Variants in MEA1 observed in about 807,000 individuals in gnomAD.
The protein encoded by MEA1 is male-enhanced antigen 1.
Under a neutral mutation model 21.4 loss-of-function variants are expected in MEA1, and 22 were observed. The ratio of observed to expected loss-of-function variants is 1.03; its 90% confidence interval spans 0.73 to 1.47. MEA1 has a LOEUF of 1.47. Ranked by LOEUF, MEA1 falls within the 40% of genes most tolerant of loss-of-function variation. MEA1 has a pLI of 0.00. For synonymous variants in MEA1, 91 were observed against 85.5 expected (o/e 1.06, Z -0.35); for missense variants, 233 against 230.5 (o/e 1.01, Z -0.07).
rs903213205 is a variant in MEA1 at position 43,011,527 on chromosome 6, G to A, written c.*943C>T. Reference sequence around the variant, plus strand: ...TGAGCACTAAGATGCTTAGTGCTCAGACAACCTGGGGATGCCTGTCCCCTA... The same window carrying A: ...TGAGCACTAAGATGCTTAGTGCTCAAACAACCTGGGGATGCCTGTCCCCTA... On this transcript the variant is annotated 3_prime_UTR_variant, in exon 4 of 4. Transcript: ENST00000244711. 1.6e-5 allele frequency: 9 copies of A among 560,792 alleles called. No individual in the cohort carries two copies. Among genetic ancestry groups the A allele is most frequent in the Non-Finnish European group, 2.5e-5 (8 of 317,544 alleles). 34.7% of individuals were successfully genotyped at this position (560,792 alleles called of 1,614,324 possible).
At position 43,012,105 on chromosome 6, in the gene MEA1, C is replaced by T. The variant is rs539686056; in HGVS notation, c.*365G>A. The T allele has an allele frequency of 1.0e-5, 7 of 691,186 alleles. No individual in the cohort carries two copies. The East Asian group carries it at 3.6e-4, about 35-fold the overall frequency. 42.8% of individuals were successfully genotyped at this position (691,186 alleles called of 1,614,324 possible). A position where few individuals can be genotyped will look rare whatever the true frequency, so the allele number is the denominator to read the frequency against. On this transcript the variant is annotated 3_prime_UTR_variant, in exon 4 of 4. Coordinates refer to ENST00000244711, the MANE Select transcript of MEA1 (RefSeq NM_014623.4). ...GCCCCAAGCATGGCTCCTGCCAACA[C>T]CTATTTATTTCCTTGTTTGTGCTAT...
upstream of MEA1, among the ~76,000 whole-genome samples, chr6:43,014,891 G>A (rs1460572196): frequency 8.5e-5 from 13 of 152,278 alleles, no homozygotes; most frequent in Middle Eastern, 0.01. Context: ...ATACATTAAG[G>A]GAATAGAAGA....
chr6:43,013,960 C>T, upstream of MEA1: 3 of 1,437,584 alleles, frequency 2.1e-6, no homozygotes, highest in South Asian at 1.5e-5. Context: ...CCTAGTCCTC[C>T]AGCCCCGCCC....
At chr6:43,012,651 A>G (rs749592547) in intron 3 of MEA1, 30 bp from the exon 4 acceptor site, 1 of 1,577,622 alleles carries the variant, frequency 6.3e-7, no homozygotes, top group South Asian at 1.2e-5. Context: ...CCATTCAGGC[A>G]TAGAAATAAT....
chr6:43,014,919 T>C (rs771375095), upstream of MEA1, among the ~76,000 whole-genome samples: 3 of 151,986 alleles, frequency 2.0e-5, no homozygotes, highest in Non-Finnish European at 4.4e-5. Flanking sequence ...AAATGCTTGG[T>C]GGTGATGGAG....
At position 43,012,575 on chromosome 6, in the gene MEA1, A is replaced by T; in HGVS notation, c.453T>A (p.Pro151=). The T allele has an allele frequency of 6.2e-7, 1 of 1,612,358 alleles. No individual in the cohort carries two copies. The highest frequency in any genetic ancestry group is 2.2e-5 in the East Asian group (1 of 44,866). ...VKRTMAGVSL[P]APGVPAWARE... is the part of the protein sequence containing the mutation. ...GAGCCCAGGCAGGAACCCCTGGCGCAGGCAGGCTTACTCCAGCCATTGTCC... is the reference window on the plus strand; with the variant it reads ...GAGCCCAGGCAGGAACCCCTGGCGCTGGCAGGCTTACTCCAGCCATTGTCC... Residue 151 remains proline, a synonymous_variant, in exon 4 of 4, where the codon CCT becomes CCA. Coordinates refer to ENST00000244711, the MANE Select transcript of MEA1 (RefSeq NM_014623.4).
At chr6:43,014,543 A>G (rs1199431120), upstream of MEA1, 4 of 464,570 alleles carry the variant, frequency 8.6e-6, no homozygotes, top group African/African-American at 6.0e-5. Flanking sequence ...GGTAGGAGAG[A>G]CCTGGTGTCT....
chr6:43,013,387 G>A lies in MEA1; in HGVS notation c.31C>T (p.Pro11Ser), dbSNP rs745407471. 6.2e-7 allele frequency: 1 copy of A among 1,612,220 alleles called. No homozygotes were observed. The highest frequency in any genetic ancestry group is 8.5e-7 in the Non-Finnish European group (1 of 1,179,316). Residue 11 changes from proline to serine, a missense_variant and splice_region_variant, in exon 2 of 4, where the codon CCT becomes TCT. Coordinates refer to ENST00000244711, the MANE Select transcript of MEA1 (RefSeq NM_014623.4). MGPERHLSGA[P>S]ARMATVVLGG... ...AGAACTACTGTTGCCATCCGGGCAG[G>A]GGCTGCAAGAACAGGGAGGCGGTAG... is the stretch of plus-strand genomic sequence containing the variant.
chr6:43,014,515 G>C (rs1345263024), upstream of MEA1: 1 of 473,914 alleles, frequency 2.1e-6, no homozygotes, highest in African/African-American at 2.0e-5. Flanking sequence ...AGGGCTAGGG[G>C]AGGATGGCGA....
chr6:43,015,748 G>C (rs2150290120), upstream of MEA1, among the ~76,000 whole-genome samples: 1 of 151,600 alleles, frequency 6.6e-6, no homozygotes, highest in South Asian at 2.1e-4. Flanking sequence ...TACTTGGGAG[G>C]CTGAGGCAGG....
chr6:43,013,890 C>T lies in MEA1; in HGVS notation c.-77G>A, dbSNP rs1581871788. ...GAATCCCGGCGCCGGTGTTCCCGCG[C>T]GCCTCACCCGCTCAGAGCCCGCGGC... On this transcript the variant is annotated 5_prime_UTR_variant, in exon 1 of 4. Transcript: ENST00000244711. The T allele has an allele frequency of 1.3e-6, 2 of 1,507,258 alleles. No homozygotes were observed. Among genetic ancestry groups the T allele is most frequent in the Admixed American group, 2.3e-5 (1 of 43,516 alleles). The allele number at this position is 1,507,258 out of a possible 1,614,324, so 93.4% of individuals were successfully genotyped here.
chr6:43,012,704 C>G, intron 3 of MEA1, 83 bp from the exon 4 acceptor site: 1 of 1,474,988 alleles, frequency 6.8e-7, no homozygotes, highest in African/African-American at 1.4e-5. Flanking sequence ...ACCCAGAGCC[C>G]TTGGGCTGCT....
At chr6:43,016,267 C>T (rs1297688226), upstream of MEA1, among the ~76,000 whole-genome samples, 1 of 152,152 alleles carries the variant, frequency 6.6e-6, no homozygotes, top group Non-Finnish European at 1.5e-5. Context: ...CCACCTCTAT[C>T]CGCCTTTCAG....
In MEA1 at chr6:43,012,302, T is replaced by C; in HGVS notation, c.*168A>G. On this transcript the variant is annotated 3_prime_UTR_variant, in exon 4 of 4. Coordinates refer to ENST00000244711, the MANE Select transcript of MEA1 (RefSeq NM_014623.4). Reference sequence around the variant, plus strand: ...AAGGTGGGTTGGGCTTGGACCGATGTCCCCATATGTACAGAACTGAATAAA... The same window carrying C: ...AAGGTGGGTTGGGCTTGGACCGATGCCCCCATATGTACAGAACTGAATAAA... 6 of 1,387,454 alleles carry C rather than the reference T, an allele frequency of 4.3e-6. No homozygotes were observed. Among genetic ancestry groups the C allele is most frequent in the Non-Finnish European group, 5.6e-6 (6 of 1,069,408 alleles). The allele number at this position is 1,387,454 out of a possible 1,614,324, so 85.9% of individuals were successfully genotyped here. A position where few individuals can be genotyped will look rare whatever the true frequency, so the allele number is the denominator to read the frequency against.
rs1315142387 is a variant in MEA1, at chr6:43,013,393, CAAG to C, written c.29-7_29-5del. On this transcript the variant is annotated splice_polypyrimidine_tract_variant and splice_region_variant and intron_variant, in intron 1 of 3. Transcript: ENST00000244711. ...ACTGTTGCCATCCGGGCAGGGGCTG[CAAG>C]AACAGGGAGGCGGTAGGACAGGGAT... 15 of 1,611,442 alleles carry C rather than the reference CAAG, an allele frequency of 9.3e-6. No individual in the cohort carries two copies. Among genetic ancestry groups the C allele is most frequent in the Non-Finnish European group, 1.2e-5 (14 of 1,179,122 alleles).
Position 43,012,328 on chromosome 6 carries a change from G to A in MEA1, c.*142C>T. 1.4e-6 allele frequency: 2 copies of A among 1,470,612 alleles called. No individual in the cohort carries two copies. Among genetic ancestry groups the A allele is most frequent in the Non-Finnish European group, 1.8e-6 (2 of 1,111,992 alleles). The allele number at this position is 1,470,612 out of a possible 1,614,324, so 91.1% of individuals were successfully genotyped here. ...CCCCATATGTACAGAACTGAATAAA[G>A]TGGGTCTCTGAGAAGTCTGATGTGC... On this transcript the variant is annotated 3_prime_UTR_variant, in exon 4 of 4. Transcript: ENST00000244711.
chr6:43,011,559 C>T lies in MEA1; in HGVS notation c.*911G>A, dbSNP rs142458919. On this transcript the variant is annotated 3_prime_UTR_variant, in exon 4 of 4. Coordinates refer to ENST00000244711, the MANE Select transcript of MEA1 (RefSeq NM_014623.4). ...TGGGGATGCCTGTCCCCTACCTGCT[C>T]CTCACCCACAGCTACCTGAGGCTGC... The T allele has an allele frequency of 1.7e-3, 898 of 513,840 alleles. 5 individuals are homozygous for T. The East Asian group carries it at 0.021, about 12-fold the overall frequency. 31.8% of individuals were successfully genotyped at this position (513,840 alleles called of 1,614,324 possible).
upstream of MEA1, among the ~76,000 whole-genome samples, chr6:43,015,418 A>G (rs1762542586): frequency 6.6e-6 from 1 of 152,156 alleles, no homozygotes. Flanking sequence ...AGGGCTTCTT[A>G]AACAGGGAGC....
At chr6:43,015,840 C>G (rs1392228169), upstream of MEA1, among the ~76,000 whole-genome samples, 15 of 124,602 alleles carry the variant, frequency 1.2e-4, no homozygotes, top group African/African-American at 5.2e-4. Flanking sequence ...GGGGCAAGAG[C>G]GAGACTTCAT....
Sources: allele counts gnomAD v4.1 joint callset (sites outside exome capture counted in the v4.1 genomes callset), GRCh38; gene constraint gnomAD v4.1.1; transcripts MANE v1.5; gene names NCBI Gene and HGNC (gene_info 2026-07-23, HGNC 2026-07-21).